The following CNTNAP2 variants were observed in gnomAD, a reference collection of about 807,000 sequenced individuals.
CNTNAP2 encodes contactin associated protein 2.
A neutral mutation model predicts 155.2 loss-of-function variants in CNTNAP2; 98 were observed. The ratio of observed to expected loss-of-function variants is 0.63; its 90% confidence interval spans 0.54 to 0.75. The LOEUF (loss-of-function observed/expected upper bound fraction) is 0.75. Among genes scored for constraint, CNTNAP2 ranks in the 30% least tolerant of loss-of-function variants. The pLI is 0.00. For synonymous variants in CNTNAP2, 651 were observed against 631.2 expected (o/e 1.03, Z -0.47); for missense variants, 1,727 against 1,688.1 (o/e 1.02, Z -0.40).
chr7:146,494,038 A>G (rs1446351670), intron 1 of CNTNAP2, among the ~76,000 whole-genome samples: 1 of 152,192 alleles, frequency 6.6e-6, no homozygotes, highest in East Asian at 1.9e-4. Flanking sequence ...AAAAATTTAA[A>G]AAATAAAAAT....
intron 14 of CNTNAP2, among the ~76,000 whole-genome samples, chr7:147,968,416 T>C (rs1801263646): frequency 6.6e-6 from 1 of 152,166 alleles, no homozygotes; most frequent in South Asian, 2.1e-4. Flanking sequence ...ATCACTCTCA[T>C]TGCTTCCTAG....
At chr7:147,702,362 T>C (rs1277236780) in intron 13 of CNTNAP2, among the ~76,000 whole-genome samples, 5 of 152,246 alleles carry the variant, frequency 3.3e-5, no homozygotes, top group Non-Finnish European at 7.4e-5. Flanking sequence ...AAAATACAAC[T>C]TTCTGATTAA....
Position 146,691,882 on chromosome 7 carries a change from G to A in CNTNAP2, c.98-82389G>A, listed in dbSNP as rs1800702733. On this transcript the variant is annotated intron_variant, in intron 1 of 23. Transcript: ENST00000361727. ...AATGGGCAAATTCAGTGACTACTTT[G>A]AACAATGGAAACATGGCTTTTCAAT... Among the ~76,000 whole-genome samples, 3 of 152,070 alleles carry A rather than the reference G, an allele frequency of 2.0e-5. No individual in the cohort carries two copies. In the South Asian group the frequency reaches 6.2e-4, roughly 32 times the overall value.
chr7:146,938,703 T>C (rs1248149069), intron 3 of CNTNAP2, among the ~76,000 whole-genome samples: 1 of 152,134 alleles, frequency 6.6e-6, no homozygotes, highest in African/African-American at 2.4e-5. Flanking sequence ...ATTTTTGAAA[T>C]GTCTTGCTAA....
chr7:146,462,463 T>C (rs1796650952), intron 1 of CNTNAP2, among the ~76,000 whole-genome samples: 1 of 152,210 alleles, frequency 6.6e-6, no homozygotes, highest in African/African-American at 2.4e-5. Context: ...TTGATTATTA[T>C]CCAGACACTG....
chr7:147,109,717 A>G (rs893165860), intron 5 of CNTNAP2, among the ~76,000 whole-genome samples: 2 of 152,118 alleles, frequency 1.3e-5, no homozygotes, highest in African/African-American at 4.8e-5. Flanking sequence ...GGAATAGAAA[A>G]GACAAATTTT....
At chr7:147,563,735 C>A (rs910760598) in intron 12 of CNTNAP2, among the ~76,000 whole-genome samples, 10 of 152,146 alleles carry the variant, frequency 6.6e-5, no homozygotes, top group African/African-American at 2.4e-4. Flanking sequence ...TTCAGAACCA[C>A]TTATAGAGTT....
At chr7:146,223,049 G>A (rs914518330) in intron 1 of CNTNAP2, among the ~76,000 whole-genome samples, 1 of 152,092 alleles carries the variant, frequency 6.6e-6, no homozygotes, top group African/African-American at 2.4e-5. Flanking sequence ...ATGCCTATAT[G>A]TGCCAGGCAC....
chr7:147,268,024 A>T (rs183544834), intron 8 of CNTNAP2, among the ~76,000 whole-genome samples: 159 of 152,234 alleles, frequency 1.0e-3, no homozygotes, highest in African/African-American at 3.8e-3. Context: ...TTTTCCCTGA[A>T]ATCTGGCACC....
rs556327625 is a variant in CNTNAP2, at chr7:147,558,254, A to G, written c.1778-3884A>G. Among the ~76,000 whole-genome samples the G allele has an allele frequency of 2.6e-5, 4 of 152,258 alleles. No homozygotes were observed. In the South Asian group the frequency reaches 8.3e-4, roughly 32 times the overall value. ...TTTTGACATTATGGTTTTGCATCCCATTCCATTTTATCATATTTCCAGTGA... is the reference window on the plus strand; with the variant it reads ...TTTTGACATTATGGTTTTGCATCCCGTTCCATTTTATCATATTTCCAGTGA... On this transcript the variant is annotated intron_variant, in intron 11 of 23. Coordinates refer to ENST00000361727, the MANE Select transcript of CNTNAP2 (RefSeq NM_014141.6).
At chr7:146,623,494 GA>G (rs1374472648) in intron 1 of CNTNAP2, among the ~76,000 whole-genome samples, 3 of 152,130 alleles carry the variant, frequency 2.0e-5, no homozygotes, top group African/African-American at 7.2e-5. Context: ...GTCTGTTCCA[GA>G]ATGTCATATA....
At chr7:147,481,195 C>G (rs1798416932) in intron 10 of CNTNAP2, among the ~76,000 whole-genome samples, 1 of 152,132 alleles carries the variant, frequency 6.6e-6, no homozygotes, top group Non-Finnish European at 1.5e-5. Context: ...AGATAAAAAG[C>G]CTTCAACGTG....
At chr7:148,144,089 A>C (rs1805129472) in intron 16 of CNTNAP2, among the ~76,000 whole-genome samples, 1 of 152,168 alleles carries the variant, frequency 6.6e-6, no homozygotes, top group Admixed American at 6.5e-5. Context: ...AAAGTGACTA[A>C]TTATTGGGAG....
At chr7:146,692,829 T>C (rs189771897) in intron 1 of CNTNAP2, among the ~76,000 whole-genome samples, 1 of 152,268 alleles carries the variant, frequency 6.6e-6, no homozygotes, top group East Asian at 1.9e-4. Context: ...CTATTATGAC[T>C]ATTATTTTGA....
chr7:147,769,870 G>A (rs979269971), intron 13 of CNTNAP2, among the ~76,000 whole-genome samples: 37 of 152,122 alleles, frequency 2.4e-4, no homozygotes, highest in African/African-American at 8.0e-4. Context: ...AATTAGAGAT[G>A]ATGATCGTAA....
intron 9 of CNTNAP2, among the ~76,000 whole-genome samples, chr7:147,385,442 T>C (rs1383581602): frequency 6.6e-6 from 1 of 152,188 alleles, no homozygotes; most frequent in Non-Finnish European, 1.5e-5. Context: ...AGCAAGTTAG[T>C]TACTTCCTAG....
chr7:147,994,709 C>CT (rs1201927518), intron 15 of CNTNAP2, among the ~76,000 whole-genome samples: 3 of 152,188 alleles, frequency 2.0e-5, no homozygotes, highest in African/African-American at 7.2e-5. Context: ...ATATGGAACT[C>CT]TAAGTCCAAT....
chr7:146,609,324 T>C (rs1317648255), intron 1 of CNTNAP2, among the ~76,000 whole-genome samples: 2 of 152,164 alleles, frequency 1.3e-5, no homozygotes, highest in African/African-American at 4.8e-5. Flanking sequence ...ACATTTCTAA[T>C]TTTAGGATTG....
intron 4 of CNTNAP2, among the ~76,000 whole-genome samples, chr7:147,048,805 A>T (rs1234372568): frequency 6.6e-6 from 1 of 152,178 alleles, no homozygotes; most frequent in Non-Finnish European, 1.5e-5. Context: ...TATGTTTTTC[A>T]TGTCTTTTTA....
Sources: gnomAD v4.1 joint callset for allele counts (sites outside exome capture counted in the v4.1 genomes callset) on GRCh38, gnomAD v4.1.1 for gene constraint, MANE v1.5 for transcripts, NCBI Gene and HGNC (gene_info 2026-07-23, HGNC 2026-07-21) for gene names.